The following PHACTR1 variants were observed in gnomAD, a reference collection of about 807,000 sequenced individuals.
PHACTR1 encodes the protein RPEL repeat containing 1.
PHACTR1 carries 16 observed loss-of-function variants against 69.2 expected under a neutral mutation model. The ratio of observed to expected loss-of-function variants is 0.23; its 90% confidence interval spans 0.16 to 0.35. PHACTR1 has a LOEUF of 0.35. Ranked by LOEUF, PHACTR1 falls within the 10% of genes least tolerant of loss-of-function variation. The pLI is 1.00. For missense variants in PHACTR1, 510 were observed against 734.7 expected (o/e 0.69, Z 3.54); for synonymous variants, 312 against 284.5 (o/e 1.10, Z -0.97).
At chr6:12,800,742 G>T (rs1027615941) in intron 4 of PHACTR1, among the ~76,000 whole-genome samples, 2 of 152,002 alleles carry the variant, frequency 1.3e-5, no homozygotes, top group Non-Finnish European at 2.9e-5. Context: ...ATAAAATTTA[G>T]CACAGACTGG....
chr6:13,005,880 A>T (rs1336409057), intron 4 of PHACTR1, among the ~76,000 whole-genome samples: 1 of 151,208 alleles, frequency 6.6e-6, no homozygotes, highest in Non-Finnish European at 1.5e-5. Flanking sequence ...ATTATGTTGC[A>T]TGTGTAACTA....
At chr6:12,927,703 C>T (rs7773579) in intron 4 of PHACTR1, among the ~76,000 whole-genome samples, 6,390 of 152,236 alleles carry the variant, frequency 0.042, 260 homozygotes, top group South Asian at 0.11. Flanking sequence ...TTCACATGCC[C>T]GTGATGACAA....
intron 5 of PHACTR1, among the ~76,000 whole-genome samples, chr6:13,084,120 G>C (rs1811876473): frequency 6.6e-6 from 1 of 152,002 alleles, no homozygotes; most frequent in Non-Finnish European, 1.5e-5. Flanking sequence ...ACTTGGAACT[G>C]ACCCAAATGT....
intron 3 of PHACTR1, among the ~76,000 whole-genome samples, chr6:12,726,737 G>C (rs1762842487): frequency 6.6e-6 from 1 of 152,108 alleles, no homozygotes; most frequent in Non-Finnish European, 1.5e-5. Context: ...CAGAAGGACT[G>C]GGGCAGGAAC....
chr6:13,251,230 G>T (rs1774351923), intron 10 of PHACTR1, among the ~76,000 whole-genome samples: 1 of 152,180 alleles, frequency 6.6e-6, no homozygotes, highest in African/African-American at 2.4e-5. Context: ...GTGGGATGCT[G>T]GCCATAGGCG....
At chr6:12,820,500 T>C (rs1776085999) in intron 4 of PHACTR1, among the ~76,000 whole-genome samples, 1 of 152,168 alleles carries the variant, frequency 6.6e-6, no homozygotes, top group South Asian at 2.1e-4. Context: ...TCTAATGGTC[T>C]AAGTACAATG....
chr6:13,255,547 A>G (rs925325254), intron 10 of PHACTR1, among the ~76,000 whole-genome samples: 1 of 152,246 alleles, frequency 6.6e-6, no homozygotes, highest in Non-Finnish European at 1.5e-5. Context: ...TGAACCTGTA[A>G]AATCAAAAAC....
intron 4 of PHACTR1, among the ~76,000 whole-genome samples, chr6:12,858,825 CACCACA>C (rs766257134): frequency 4.0e-5 from 6 of 150,938 alleles, no homozygotes; most frequent in South Asian, 2.1e-4. Context: ...CACACACACA[CACCACA>C]CACACACACA....
intron 4 of PHACTR1, among the ~76,000 whole-genome samples, chr6:12,882,072 G>T (rs749187991): frequency 8.5e-5 from 13 of 152,168 alleles, no homozygotes; most frequent in Non-Finnish European, 1.8e-4. Flanking sequence ...GCATTTGACT[G>T]GGGGCTGGGG....
At chr6:13,282,571 T>C (rs1335445380) in intron 12 of PHACTR1, among the ~76,000 whole-genome samples, 8 of 152,176 alleles carry the variant, frequency 5.3e-5, no homozygotes, top group Non-Finnish European at 2.9e-5. Flanking sequence ...CTTGAACTTC[T>C]TGCAGAGGGC....
At chr6:12,727,640 C>G (rs1762967576) in intron 3 of PHACTR1, among the ~76,000 whole-genome samples, 1 of 152,148 alleles carries the variant, frequency 6.6e-6, no homozygotes, top group African/African-American at 2.4e-5. Context: ...CACACTCACC[C>G]AGCGCCAGCC....
chr6:13,070,030 C>T (rs1809267718), intron 5 of PHACTR1, among the ~76,000 whole-genome samples: 1 of 152,168 alleles, frequency 6.6e-6, no homozygotes, highest in Admixed American at 6.5e-5. Flanking sequence ...CAGCCCTCTG[C>T]AGAACTTCAA....
chr6:13,172,610 C>G (rs1287238697), intron 6 of PHACTR1, among the ~76,000 whole-genome samples: 1 of 152,222 alleles, frequency 6.6e-6, no homozygotes, highest in South Asian at 2.1e-4. Flanking sequence ...TACCCAGGGT[C>G]AATGTCTTTG....
chr6:12,767,752 A>C (rs971042020), intron 4 of PHACTR1, among the ~76,000 whole-genome samples: 4 of 152,226 alleles, frequency 2.6e-5, no homozygotes, highest in South Asian at 4.1e-4. Flanking sequence ...TCTGACATAC[A>C]GAGGAAAATG....
intron 10 of PHACTR1, among the ~76,000 whole-genome samples, chr6:13,244,536 G>T (rs1396194187): frequency 1.3e-5 from 2 of 152,218 alleles, no homozygotes; most frequent in African/African-American, 2.4e-5. Context: ...CGGGGGGCCA[G>T]TTCAAGTTCA....
At chr6:13,048,565 A>G (rs1805454474) in intron 4 of PHACTR1, among the ~76,000 whole-genome samples, 1 of 95,892 alleles carries the variant, frequency 1.0e-5, no homozygotes, top group African/African-American at 4.0e-5. Context: ...ATGGAGTTTC[A>G]CTTTTGTCAC....
chr6:13,014,120 G>C (rs149166703), intron 4 of PHACTR1, among the ~76,000 whole-genome samples: 45 of 152,260 alleles, frequency 3.0e-4, no homozygotes, highest in Non-Finnish European at 4.9e-4. Flanking sequence ...ACTGCAGTCG[G>C]GGGGAGGACG....
chr6:13,160,814 G>A (rs1758882865), intron 6 of PHACTR1, among the ~76,000 whole-genome samples: 1 of 152,130 alleles, frequency 6.6e-6, no homozygotes, highest in African/African-American at 2.4e-5. Flanking sequence ...TAATATTATG[G>A]TGCTTCAAAT....
intron 5 of PHACTR1, among the ~76,000 whole-genome samples, chr6:13,073,715 A>C (rs1809926761): frequency 6.6e-6 from 1 of 152,024 alleles, no homozygotes; most frequent in African/African-American, 2.4e-5. Context: ...AGCAAGCTTG[A>C]GACAAGAGGA....
Sources: gnomAD v4.1 joint callset for allele counts (sites outside exome capture counted in the v4.1 genomes callset) on GRCh38, gnomAD v4.1.1 for gene constraint, MANE v1.5 for transcripts, NCBI Gene and HGNC (gene_info 2026-07-23, HGNC 2026-07-21) for gene names.